The following TEKT1 variants were observed in gnomAD, a reference collection of about 807,000 sequenced individuals.
TEKT1 encodes tektin-1.
A neutral mutation model predicts 34.8 loss-of-function variants in TEKT1; 32 were observed. That is an observed-to-expected ratio of 0.92 (90% CI 0.69 to 1.23). The LOEUF (loss-of-function observed/expected upper bound fraction) is 1.23. Among genes scored for constraint, TEKT1 ranks in the 50% most tolerant of loss-of-function variants. TEKT1 has a pLI of 0.00. For synonymous variants in TEKT1, 207 were observed against 199.8 expected, an observed-to-expected ratio of 1.04 and a Z score of -0.30; for missense variants, 492 against 518.5, an observed-to-expected ratio of 0.95 and a Z score of 0.50.
At chr17:6,827,902 G>A (rs11872087) in intron 2 of TEKT1, among the ~76,000 whole-genome samples, 1,904 of 146,418 alleles carry the variant, frequency 0.013, 37 homozygotes, top group African/African-American at 0.046. Context: ...CTTTTTCCCC[G>A]TATCTACTGA....
In TEKT1 at chr17:6,811,569, G is replaced by A. The variant is rs747539160; in HGVS notation, c.852+1262C>T. Among the ~76,000 whole-genome samples the A allele has an allele frequency of 6.6e-6, 1 of 152,104 alleles. No homozygotes were observed. The highest frequency in any genetic ancestry group is 1.5e-5 in the Non-Finnish European group (1 of 68,030). On this transcript the variant is annotated intron_variant, in intron 6 of 7. Transcript: ENST00000338694. This position sits in a 1 kb window ranked among gnomAD's most constrained non-coding sequence, Gnocchi z 4.4. ...AGGCTCGTCTACCTCTCGGTTTGCT[G>A]AATATTGCAGTTTCACCCTCGATGA...
intron 3 of TEKT1, 142 bp from the exon 4 acceptor site, chr17:6,816,104 A>G (rs1977004798): frequency 8.4e-7 from 1 of 1,184,952 alleles, no homozygotes; most frequent in African/African-American, 1.5e-5. Flanking sequence ...TGGGTGACAG[A>G]TATTAGTTGG....
intron 6 of TEKT1, among the ~76,000 whole-genome samples, chr17:6,812,048 T>G (rs1042942035): frequency 6.6e-6 from 1 of 151,968 alleles, no homozygotes; most frequent in African/African-American, 2.4e-5. Context: ...TGGGAGGTAA[T>G]TGGATCATGG....
chr17:6,813,742 T>C (rs374859387), intron 5 of TEKT1, among the ~76,000 whole-genome samples: 1 of 152,168 alleles, frequency 6.6e-6, no homozygotes, highest in South Asian at 2.1e-4. Flanking sequence ...TTTCTTGACC[T>C]GGTGGTGATA....
At chr17:6,810,590 T>C (rs1475128520) in intron 6 of TEKT1, among the ~76,000 whole-genome samples, 2 of 152,248 alleles carry the variant, frequency 1.3e-5, no homozygotes, top group African/African-American at 4.8e-5. Flanking sequence ...TGAACTACCA[T>C]GGCAGAATTA....
chr17:6,817,730 A>G (rs139787356), intron 3 of TEKT1, among the ~76,000 whole-genome samples: 56 of 152,330 alleles, frequency 3.7e-4, no homozygotes, highest in African/African-American at 1.3e-3. Flanking sequence ...CTTAGCCACT[A>G]TATAACCTAC....
chr17:6,825,310 C>G (rs1456084564), intron 2 of TEKT1, among the ~76,000 whole-genome samples: 1 of 152,064 alleles, frequency 6.6e-6, no homozygotes, highest in African/African-American at 2.4e-5. Context: ...GTGATGTGCC[C>G]TCTCCTCCAA....
Position 6,800,835 on chromosome 17 carries a change from T to A in TEKT1, c.961A>T (p.Thr321Ser), listed in dbSNP as rs1976760816. ...KVAHTRLETR[T>S]HRPNVELCRD... ...CACAGCTCCACGTTCGGCCGGTGTG[T>A]CCTGGTCTCCAAGCGCGTATGAGCC... Residue 321 changes from threonine (T) to serine (S), a missense_variant, in exon 7 of 8, where the codon ACA becomes TCA. Coordinates refer to ENST00000338694, the MANE Select transcript of TEKT1 (RefSeq NM_053285.2). 4 of 1,614,066 alleles carry A rather than the reference T, an allele frequency of 2.5e-6. No homozygotes were observed. The Admixed American group carries it at 6.7e-5, about 27-fold the overall frequency.
intron 2 of TEKT1, among the ~76,000 whole-genome samples, chr17:6,824,236 T>A (rs939524399): frequency 6.6e-6 from 1 of 152,190 alleles, no homozygotes; most frequent in African/African-American, 2.4e-5. Context: ...CCTTTTCTTC[T>A]CTTTTGATAC....
chr17:6,807,727 G>T (rs113068473), intron 6 of TEKT1, among the ~76,000 whole-genome samples: 4,111 of 152,268 alleles, frequency 0.027, 173 homozygotes, highest in African/African-American at 0.093. Flanking sequence ...GTTTGCTGGA[G>T]GTCCACTCCA....
intron 6 of TEKT1, among the ~76,000 whole-genome samples, chr17:6,810,576 C>T (rs1254788612): frequency 1.3e-5 from 2 of 152,130 alleles, no homozygotes; most frequent in Non-Finnish European, 2.9e-5. Flanking sequence ...TTTATTATTG[C>T]TTCTGAACTA....
At chr17:6,800,719 G>C (rs1433290979) in intron 7 of TEKT1, 28 bp downstream of exon 7, 3 of 1,593,476 alleles carry the variant, frequency 1.9e-6, no homozygotes, top group Non-Finnish European at 2.6e-6. Context: ...AGACCCGAAG[G>C]CCCTCTGCCC....
intron 3 of TEKT1, among the ~76,000 whole-genome samples, chr17:6,818,456 CACT>C (rs147695506): frequency 0.13 from 19,393 of 152,042 alleles, 1,426 homozygotes; most frequent in Middle Eastern, 0.22. Context: ...TAATAAAAAG[CACT>C]ATGTTCCTAT....
chr17:6,807,855 G>A (rs757978977), intron 6 of TEKT1, among the ~76,000 whole-genome samples: 14 of 152,148 alleles, frequency 9.2e-5, no homozygotes, highest in South Asian at 4.1e-4. Context: ...GTACCCAGCC[G>A]TGTGAGGTGT....
intron 6 of TEKT1, 55 bp downstream of exon 6, chr17:6,812,776 C>G (rs942851017): frequency 1.3e-6 from 2 of 1,562,414 alleles, no homozygotes; most frequent in Non-Finnish European, 1.7e-6. Context: ...TCTTGTTTTC[C>G]ATGGTGAAAG....
chr17:6,823,443 T>A (rs555467387), intron 2 of TEKT1, among the ~76,000 whole-genome samples: 223 of 152,370 alleles, frequency 1.5e-3, no homozygotes, highest in African/African-American at 5.1e-3. Flanking sequence ...TGTGTATGTG[T>A]GCACACGCAT....
At chr17:6,804,556 T>C (rs1976819891) in intron 6 of TEKT1, among the ~76,000 whole-genome samples, 2 of 152,280 alleles carry the variant, frequency 1.3e-5, no homozygotes, top group South Asian at 4.1e-4. Flanking sequence ...AAAGGGAATG[T>C]TTCCAGTGTT....
At chr17:6,831,274 A>G (rs80062397) in intron 1 of TEKT1, among the ~76,000 whole-genome samples, 1 of 152,144 alleles carries the variant, frequency 6.6e-6, no homozygotes. Context: ...GACAGGGCTG[A>G]AATCTGCCCC....
At chr17:6,823,066 A>C (rs9894214) in intron 2 of TEKT1, among the ~76,000 whole-genome samples, 9,381 of 152,280 alleles carry the variant, frequency 0.062, 825 homozygotes, top group African/African-American at 0.19. Context: ...GTCTTAGGAA[A>C]CAGCTGGAAG....
Sources: allele counts gnomAD v4.1 joint callset (sites outside exome capture counted in the v4.1 genomes callset), GRCh38; gene constraint gnomAD v4.1.1; non-coding constraint Gnocchi (gnomAD v3.1); transcripts MANE v1.5; gene names NCBI Gene and HGNC (gene_info 2026-07-23, HGNC 2026-07-21).